PARD3: variants seen among roughly 807,000 people sequenced by gnomAD.
The protein encoded by PARD3 is par-3 family cell polarity regulator, also known as partitioning defective 3 homolog.
In PARD3, 75 loss-of-function variants were observed where a neutral mutation model predicts 155.4. The ratio of observed to expected loss-of-function variants is 0.48; its 90% CI spans 0.40 to 0.58. The LOEUF (loss-of-function observed/expected upper bound fraction) is 0.58. PARD3 is among the 20% of genes least tolerant of loss of function. The pLI is 0.00. For missense variants in PARD3, 1,642 were observed against 1,721.7 expected (o/e 0.95, Z 0.82); for synonymous variants, 576 against 610.5 (o/e 0.94, Z 0.83).
intron 22 of PARD3, among the ~76,000 whole-genome samples, chr10:34,179,168 G>GCGCACA (rs754519425): frequency 2.1e-5 from 2 of 94,534 alleles, no homozygotes; most frequent in South Asian, 2.9e-4. Context: ...GTGCGTGCGC[G>GCGCACA]CACACACACA....
At chr10:34,316,274 A>G (rs74512133) in intron 20 of PARD3, among the ~76,000 whole-genome samples, 11,254 of 152,278 alleles carry the variant, frequency 0.074, 569 homozygotes, top group Non-Finnish European at 0.1. Flanking sequence ...TATATTTAAC[A>G]TTAAGTGCCT....
intron 2 of PARD3, among the ~76,000 whole-genome samples, chr10:34,611,930 GC>G (rs34946255): frequency 1.1e-4 from 12 of 104,648 alleles, no homozygotes; most frequent in Non-Finnish European, 1.7e-4. Context: ...CTGCCTCAGC[GC>G]CCCCCCTACC....
At chr10:34,308,581 C>G (rs958866430) in intron 20 of PARD3, among the ~76,000 whole-genome samples, 1 of 152,056 alleles carries the variant, frequency 6.6e-6, no homozygotes, top group African/African-American at 2.4e-5. Context: ...AGGGAAGGCT[C>G]GCGGGAGCAG....
intron 5 of PARD3, among the ~76,000 whole-genome samples, chr10:34,439,460 A>AT (rs147771021): frequency 0.027 from 4,103 of 150,948 alleles, 183 homozygotes; most frequent in African/African-American, 0.095. Flanking sequence ...ACATTTTTTA[A>AT]TTTTTTTTTC....
At chr10:34,581,819 G>A (rs1202028393) in intron 2 of PARD3, among the ~76,000 whole-genome samples, 1 of 152,088 alleles carries the variant, frequency 6.6e-6, no homozygotes, top group Non-Finnish European at 1.5e-5. Flanking sequence ...CATTCGTGGT[G>A]GATGAGAAAC....
At chr10:34,606,155 AATGTGTGTGTGTGTGTGTGT>A (rs1490802922) in intron 2 of PARD3, among the ~76,000 whole-genome samples, 1 of 106,674 alleles carries the variant, frequency 9.4e-6, no homozygotes, top group African/African-American at 3.4e-5. Flanking sequence ...TATAAAGGGA[AATGTGTGTGTGTGTGTGTGT>A]GTGTGTGTGT....
intron 20 of PARD3, among the ~76,000 whole-genome samples, chr10:34,314,889 C>T (rs935746315): frequency 6.6e-6 from 1 of 152,104 alleles, no homozygotes; most frequent in African/African-American, 2.4e-5. Flanking sequence ...AACCAGCTTG[C>T]AAAGTTTCTA....
At chr10:34,137,374 A>C (rs1029503768) in intron 22 of PARD3, among the ~76,000 whole-genome samples, 2 of 152,150 alleles carry the variant, frequency 1.3e-5, no homozygotes, top group African/African-American at 2.4e-5. Context: ...AGGGAAGCTG[A>C]TATTTCCCTA....
At chr10:34,501,841 G>A (rs2080731457) in intron 3 of PARD3, among the ~76,000 whole-genome samples, 1 of 152,030 alleles carries the variant, frequency 6.6e-6, no homozygotes, top group Non-Finnish European at 1.5e-5. Flanking sequence ...CATTACCCTA[G>A]TGGTATGGAA....
At chr10:34,304,748 T>C (rs1282473766) in intron 20 of PARD3, among the ~76,000 whole-genome samples, 1 of 152,226 alleles carries the variant, frequency 6.6e-6, no homozygotes, top group Non-Finnish European at 1.5e-5. Flanking sequence ...TAGTACCTTA[T>C]AGGGTTATTA....
intron 4 of PARD3, 51 bp downstream of exon 4, chr10:34,470,034 C>G: frequency 2.7e-6 from 4 of 1,457,674 alleles, no homozygotes; most frequent in Non-Finnish European, 3.7e-6. Context: ...TCACGGACAC[C>G]AAGAAGTCAG....
At chr10:34,665,538 T>A (rs1420272962) in intron 2 of PARD3, among the ~76,000 whole-genome samples, 3 of 149,298 alleles carry the variant, frequency 2.0e-5, no homozygotes, top group Non-Finnish European at 4.4e-5. Context: ...TTTTAAAAAT[T>A]TTTAAAAAAA....
chr10:34,568,600 A>T (rs1180845354), intron 2 of PARD3, among the ~76,000 whole-genome samples: 1 of 152,234 alleles, frequency 6.6e-6, no homozygotes, highest in African/African-American at 2.4e-5. Context: ...GAGTCTTAAG[A>T]ATAATGATTT....
intron 1 of PARD3, among the ~76,000 whole-genome samples, chr10:34,791,531 G>A (rs376120844): frequency 1.3e-5 from 2 of 152,184 alleles, no homozygotes; most frequent in South Asian, 2.1e-4. Flanking sequence ...GAGACAAGAC[G>A]CGGGGACATG....
chr10:34,362,671 T>C (rs1203965529), intron 12 of PARD3, among the ~76,000 whole-genome samples: 1 of 152,184 alleles, frequency 6.6e-6, no homozygotes, highest in Non-Finnish European at 1.5e-5. Context: ...AATTTTTGTA[T>C]TTCTTTAGAG....
At chr10:34,729,871 G>A (rs1426436541) in intron 1 of PARD3, among the ~76,000 whole-genome samples, 1 of 152,108 alleles carries the variant, frequency 6.6e-6, no homozygotes, top group Non-Finnish European at 1.5e-5. Context: ...CCCAGGGAGA[G>A]ATTAAATTTA....
intron 2 of PARD3, among the ~76,000 whole-genome samples, chr10:34,524,963 C>G (rs182800549): frequency 4.6e-5 from 7 of 152,126 alleles, no homozygotes; most frequent in Non-Finnish European, 1.0e-4. Context: ...AAAAAGGGAA[C>G]TAAAAATCAA....
intron 14 of PARD3, among the ~76,000 whole-genome samples, chr10:34,356,547 G>C (rs917991663): frequency 1.3e-5 from 2 of 152,214 alleles, no homozygotes; most frequent in Non-Finnish European, 2.9e-5. Flanking sequence ...ACAGTTTTCT[G>C]ATTGGCAAAG....
At chr10:34,603,835 C>T (rs963192300) in intron 2 of PARD3, among the ~76,000 whole-genome samples, 1 of 152,104 alleles carries the variant, frequency 6.6e-6, no homozygotes, top group Non-Finnish European at 1.5e-5. Context: ...TGGTTTAGGC[C>T]ACTGCCCTGA....
Sources: allele counts gnomAD v4.1 joint callset (sites outside exome capture counted in the v4.1 genomes callset), GRCh38; gene constraint gnomAD v4.1.1; transcripts MANE v1.5; gene names NCBI Gene and HGNC (gene_info 2026-07-23, HGNC 2026-07-21).